MYO9A: variants seen among roughly 807,000 people sequenced by gnomAD.
The protein encoded by MYO9A is unconventional myosin-IXa.
Under a neutral mutation model 293.3 loss-of-function variants are expected in MYO9A, and 103 were observed. The observed-to-expected ratio is 0.35, with a 90% CI of 0.30 to 0.41. The LOEUF (loss-of-function observed/expected upper bound fraction) is 0.41. MYO9A is among the 10% of genes least tolerant of loss of function. MYO9A has a pLI of 1.00. For synonymous variants in MYO9A, 1,001 were observed against 1,035.7 expected (o/e 0.97, Z 0.64); for missense variants, 2,685 against 3,033.0 (o/e 0.89, Z 2.69).
At chr15:72,004,837 T>C (rs1201076693) in intron 8 of MYO9A, among the ~76,000 whole-genome samples, 1 of 152,158 alleles carries the variant, frequency 6.6e-6, no homozygotes, top group Non-Finnish European at 1.5e-5. Context: ...AACTGAAAAG[T>C]AAATAAATAA....
chr15:72,104,325 G>A (rs775202655), intron 1 of MYO9A, among the ~76,000 whole-genome samples: 14 of 152,146 alleles, frequency 9.2e-5, no homozygotes, highest in Non-Finnish European at 1.8e-4. Context: ...ATGCATTTTC[G>A]ACTTATGGTA....
intron 26 of MYO9A, chr15:71,890,878 CAGCTTTTAA>C (rs1382445817): frequency 2.0e-5 from 3 of 151,722 alleles, no homozygotes; most frequent in Non-Finnish European, 2.9e-5. Context: ...AAAAAAAATC[CAGCTTTTAA>C]AACTCCATGT....
chr15:71,834,618 A>T (rs1015139881), intron 39 of MYO9A, among the ~76,000 whole-genome samples: 3 of 151,862 alleles, frequency 2.0e-5, no homozygotes, highest in African/African-American at 7.3e-5. Flanking sequence ...AAAAAAAAAA[A>T]ATACAAAAAT....
chr15:71,997,301 T>A lies in MYO9A; in HGVS notation c.1470+2550A>T, dbSNP rs184531751. Among the ~76,000 whole-genome samples, 16 of 152,242 alleles carry A rather than the reference T, an allele frequency of 1.1e-4. No individual in the cohort carries two copies. The East Asian group carries it at 2.9e-3, about 28-fold the overall frequency. On this transcript the variant is annotated intron_variant, in intron 9 of 41. Transcript: ENST00000356056. ...TCGGCACAAAAATAGAGTTTTTATA[T>A]ATTTATTAAAGAAATAACAGCCGGG...
chr15:71,966,037 T>C (rs1353537733), intron 13 of MYO9A, among the ~76,000 whole-genome samples: 1 of 151,386 alleles, frequency 6.6e-6, no homozygotes, highest in African/African-American at 2.4e-5. Flanking sequence ...CCACCATGCC[T>C]GGCTAATTTT....
At chr15:71,963,568 C>T (rs562790087) in intron 13 of MYO9A, among the ~76,000 whole-genome samples, 2 of 152,130 alleles carry the variant, frequency 1.3e-5, no homozygotes, top group South Asian at 4.2e-4. Flanking sequence ...CCTGCCTCAG[C>T]CTCCTGAGTA....
At position 72,091,079 on chromosome 15, in the gene MYO9A, G is replaced by C. The variant is rs890961510; in HGVS notation, c.-72+26601C>G. 3.4e-4 allele frequency among the ~76,000 whole-genome samples: 52 copies of C among 151,684 alleles called. 1 individual carries two copies. The highest frequency in any genetic ancestry group is 1.1e-3 in the African/African-American group (47 of 41,462). On this transcript the variant is annotated intron_variant, in intron 1 of 41. Coordinates refer to ENST00000356056, the MANE Select transcript of MYO9A (RefSeq NM_006901.4). ...CCAGGCATGGTGGCTCATACCTGTA[G>C]TCCTAGCTACTTGGCAGGCTGAGGC... is the stretch of plus-strand genomic sequence containing the variant.
intron 1 of MYO9A, among the ~76,000 whole-genome samples, chr15:72,103,296 CAGCAG>C (rs2080432715): frequency 1.5e-5 from 2 of 135,392 alleles, no homozygotes; most frequent in African/African-American, 2.8e-5. Flanking sequence ...CAAGCAGCAG[CAGCAG>C]AAGCAGAAGC....
intron 2 of MYO9A, among the ~76,000 whole-genome samples, chr15:72,044,748 G>A (rs2078331633): frequency 6.6e-6 from 1 of 152,178 alleles, no homozygotes; most frequent in African/African-American, 2.4e-5. Context: ...GCTAGGCACA[G>A]CTGTTAAGCT....
intron 11 of MYO9A, among the ~76,000 whole-genome samples, chr15:71,979,047 T>C (rs919787483): frequency 6.6e-6 from 1 of 152,184 alleles, no homozygotes; most frequent in Admixed American, 6.5e-5. Flanking sequence ...ATGTACCTAA[T>C]TGTTTTAGCA....
Position 71,826,733 on chromosome 15 carries a change from G to A in MYO9A, c.7494C>T (p.Gly2498=), listed in dbSNP as rs146450231. The A allele has an allele frequency of 7.4e-6, 12 of 1,613,952 alleles. No individual in the cohort carries two copies. The African/African-American group carries it at 1.6e-4, about 22-fold the overall frequency. The change falls in exon 42 of 42, where the codon GGC becomes GGT. Residue 2498 remains glycine (G), a synonymous_variant. Transcript: ENST00000356056. The stretch of plus-strand genomic sequence containing the variant: ...TTTTCACATTCTTTAATTTTTGTTT[G>A]CCCTTTTCCGGGTTGAAGGTTCCTC... ...ISRGTFNPEK[G]KQKLKNVKNS... is the part of the protein sequence containing the mutation.
chr15:72,077,087 A>T (rs949026565), intron 1 of MYO9A, among the ~76,000 whole-genome samples: 2 of 152,116 alleles, frequency 1.3e-5, no homozygotes, highest in Non-Finnish European at 2.9e-5. Flanking sequence ...CTCAAAATGG[A>T]TCGCATATCT....
At chr15:71,981,644 TCTCTC>T (rs2076275643) in intron 11 of MYO9A, among the ~76,000 whole-genome samples, 1 of 89,192 alleles carries the variant, frequency 1.1e-5, no homozygotes, top group African/African-American at 3.9e-5. Context: ...CTGTCTTGTC[TCTCTC>T]TCTCTCTCTC....
chr15:72,114,238 C>A (rs1412295123), intron 1 of MYO9A: 9 of 152,126 alleles, frequency 5.9e-5, no homozygotes, highest in African/African-American at 2.2e-4. Context: ...AAGAGCCTGA[C>A]TAAAAGAGCA....
At chr15:71,896,426 T>C (rs1435347955) in intron 25 of MYO9A, among the ~76,000 whole-genome samples, 1 of 152,168 alleles carries the variant, frequency 6.6e-6, no homozygotes, top group Non-Finnish European at 1.5e-5. Context: ...AAATTTGTTT[T>C]TACGTACCAC....
At chr15:71,908,819 C>T (rs1435348108) in intron 19 of MYO9A, among the ~76,000 whole-genome samples, 2 of 152,160 alleles carry the variant, frequency 1.3e-5, no homozygotes, top group African/African-American at 4.8e-5. Flanking sequence ...TGCACATTCT[C>T]TGGGTTTAAA....
chr15:72,042,505 C>G (rs1419407995), intron 2 of MYO9A, among the ~76,000 whole-genome samples: 1 of 151,938 alleles, frequency 6.6e-6, no homozygotes, highest in Non-Finnish European at 1.5e-5. Flanking sequence ...CAGAAGGGAT[C>G]AAGCTCAATG....
chr15:72,103,468 CA>C (rs1339820962), intron 1 of MYO9A, among the ~76,000 whole-genome samples: 1 of 147,142 alleles, frequency 6.8e-6, no homozygotes, highest in Admixed American at 6.8e-5. Context: ...GAAGAAGCAG[CA>C]GCAGAAGCAG....
At chr15:71,988,288 AC>A (rs2148281583) in intron 11 of MYO9A, among the ~76,000 whole-genome samples, 1 of 152,328 alleles carries the variant, frequency 6.6e-6, no homozygotes, top group East Asian at 1.9e-4. Flanking sequence ...GATTCAATAG[AC>A]ATGGATGGCA....
Sources: allele counts gnomAD v4.1 joint callset (sites outside exome capture counted in the v4.1 genomes callset), GRCh38; gene constraint gnomAD v4.1.1; transcripts MANE v1.5; gene names NCBI Gene and HGNC (gene_info 2026-07-23, HGNC 2026-07-21).